TRPC1: variants seen among roughly 807,000 people sequenced by gnomAD.
The protein encoded by TRPC1 is transient receptor potential cation channel subfamily C member 1, also known as short transient receptor potential channel 1.
A neutral mutation model predicts 88.2 loss-of-function variants in TRPC1; 42 were observed. That is an observed-to-expected ratio of 0.48 (90% CI 0.37 to 0.62). The LOEUF (loss-of-function observed/expected upper bound fraction) is 0.62. TRPC1 is among the 20% of genes least tolerant of loss of function. The pLI is 0.00. For missense variants in TRPC1, 699 were observed against 957.3 expected (o/e 0.73, Z 3.56); for synonymous variants, 288 against 331.8 (o/e 0.87, Z 1.43).
intron 2 of TRPC1, among the ~76,000 whole-genome samples, chr3:142,737,985 TGATTCTG>T (rs1174956951): frequency 6.6e-6 from 1 of 152,230 alleles, no homozygotes; most frequent in African/African-American, 2.4e-5. Flanking sequence ...ATTCATACGC[TGATTCTG>T]GATAAAAGAA....
In TRPC1 at chr3:142,724,404, G is replaced by A. The variant is rs1430268926; in HGVS notation, c.-156G>A. On this transcript the variant is annotated 5_prime_UTR_variant, in exon 1 of 13. Transcript: ENST00000476941. The surrounding 1 kb of genome is among the most constrained non-coding windows in gnomAD (Gnocchi z 5.6). ...GGGCGAGTGCTGGTTCTCAGGGGAGGCGACGCCCTTCGGGGCCAACGGGCC... is the reference window on the plus strand; with the variant it reads ...GGGCGAGTGCTGGTTCTCAGGGGAGACGACGCCCTTCGGGGCCAACGGGCC... 6.5e-6 allele frequency: 4 copies of A among 618,272 alleles called. No individual in the cohort carries two copies. The highest frequency in any genetic ancestry group is 7.6e-5 in the Admixed American group (2 of 26,152). 38.3% of individuals were successfully genotyped at this position (618,272 alleles called of 1,614,324 possible).
chr3:142,763,784 G>A (rs1215187267), intron 4 of TRPC1, among the ~76,000 whole-genome samples: 2 of 150,752 alleles, frequency 1.3e-5, no homozygotes, highest in Non-Finnish European at 3.0e-5. Context: ...TTCCTTTGTA[G>A]TTAAGTGATT....
intron 6 of TRPC1, among the ~76,000 whole-genome samples, chr3:142,781,719 C>T (rs1484815928): frequency 2.0e-5 from 3 of 151,954 alleles, no homozygotes; most frequent in Non-Finnish European, 4.4e-5. Context: ...ATTAACTAAA[C>T]AGTGATATTC....
intron 4 of TRPC1, among the ~76,000 whole-genome samples, chr3:142,755,731 C>A (rs1934937682): frequency 6.6e-6 from 1 of 152,108 alleles, no homozygotes; most frequent in African/African-American, 2.4e-5. Context: ...AAACCAAAAC[C>A]CCAGAAAGTT....
At position 142,748,413 on chromosome 3, in the gene TRPC1, C is replaced by G; in HGVS notation, c.585C>G (p.Cys195Trp). ...AGCCCCATGCAGTTGGCTGTGAATG[C>G]ACATTGTGTTCTGCAAAAAACAAAA... ...LPKPHAVGCE[C>W]TLCSAKNKKD... Residue 195 changes from cysteine (C) to tryptophan (W), a missense_variant, in exon 4 of 13, where the codon TGC becomes TGG. By Grantham distance (215) the Cys-to-Trp change is radical. This residue lies in a region of TRPC1 where 426 missense variants were observed against 641.3 expected (regional missense o/e 0.66). Coordinates refer to ENST00000476941, the MANE Select transcript of TRPC1 (RefSeq NM_001251845.2). The G allele has an allele frequency of 6.2e-7, 1 of 1,614,080 alleles. No homozygotes were observed. The highest frequency in any genetic ancestry group is 8.5e-7 in the Non-Finnish European group (1 of 1,179,976).
intron 5 of TRPC1, among the ~76,000 whole-genome samples, chr3:142,778,405 AG>A (rs1444725055): frequency 6.6e-6 from 1 of 151,820 alleles, no homozygotes; most frequent in East Asian, 1.9e-4. Context: ...ATTTTCCTTT[AG>A]GGGGGTAAGT....
chr3:142,734,313 G>A (rs1934040940), intron 1 of TRPC1, among the ~76,000 whole-genome samples: 1 of 152,106 alleles, frequency 6.6e-6, no homozygotes, highest in Non-Finnish European at 1.5e-5. Flanking sequence ...GAGTTGGAAA[G>A]AAATCTGGTA....
Position 142,806,358 on chromosome 3 carries a change from TA to T in TRPC1, c.*127del, listed in dbSNP as rs1252947370. On this transcript the variant is annotated 3_prime_UTR_variant, in exon 13 of 13. Transcript: ENST00000476941. ...AAAGAATTATGTAAAAGCCATTCTT[TA>T]AAATATTTATAGCATAAATATATGT... The T allele has an allele frequency of 1.5e-5, 12 of 807,120 alleles. No homozygotes were observed. The highest frequency in any genetic ancestry group is 2.3e-5 in the Non-Finnish European group (12 of 527,288). The allele number at this position is 807,120 out of a possible 1,614,324, so 50.0% of individuals were successfully genotyped here.
chr3:142,801,257 G>A (rs1289600333), intron 9 of TRPC1: 2 of 151,626 alleles, frequency 1.3e-5, no homozygotes, highest in Non-Finnish European at 2.9e-5. Context: ...CGGTTCTTGC[G>A]GGAAAGTCCC....
At chr3:142,732,687 A>G (rs35467195) in intron 1 of TRPC1, among the ~76,000 whole-genome samples, 68,294 of 151,936 alleles carry the variant, frequency 0.45, 16,161 homozygotes, top group African/African-American at 0.6. Flanking sequence ...TTGATTGAAA[A>G]TGGTTTCTTT....
At chr3:142,787,814 A>G (rs1936177713) in intron 7 of TRPC1, among the ~76,000 whole-genome samples, 1 of 152,218 alleles carries the variant, frequency 6.6e-6, no homozygotes, top group African/African-American at 2.4e-5. Context: ...CATTTGCCCT[A>G]GTCAGGGAGG....
intron 2 of TRPC1, among the ~76,000 whole-genome samples, chr3:142,740,446 G>A (rs557198718): frequency 6.6e-6 from 1 of 152,342 alleles, no homozygotes; most frequent in South Asian, 2.1e-4. Context: ...AAGAGATACA[G>A]TAAGCTGTCA....
At chr3:142,798,088 A>G (rs899986237) in intron 9 of TRPC1, among the ~76,000 whole-genome samples, 2 of 152,030 alleles carry the variant, frequency 1.3e-5, no homozygotes, top group Non-Finnish European at 2.9e-5. Flanking sequence ...AGCATGTTCA[A>G]CCTAGATTCT....
At chr3:142,803,942 T>C in intron 10 of TRPC1, 35 bp from the exon 11 acceptor site, 1 of 1,590,568 alleles carries the variant, frequency 6.3e-7, no homozygotes, top group Non-Finnish European at 8.6e-7. Context: ...ATTTCTTTAA[T>C]TGCCTTTTAA....
chr3:142,771,160 C>G (rs1417989774), intron 4 of TRPC1, among the ~76,000 whole-genome samples: 1 of 152,224 alleles, frequency 6.6e-6, no homozygotes, highest in Non-Finnish European at 1.5e-5. Flanking sequence ...TCCAACAAGG[C>G]CCCACCTCCA....
intron 1 of TRPC1, among the ~76,000 whole-genome samples, chr3:142,727,268 G>A (rs10935467): frequency 0.17 from 25,171 of 152,132 alleles, 2,273 homozygotes; most frequent in Middle Eastern, 0.25. Flanking sequence ...GTGTTCTAGA[G>A]TGTCTCATTC....
At chr3:142,759,503 G>A (rs1247721222) in intron 4 of TRPC1, among the ~76,000 whole-genome samples, 5 of 152,226 alleles carry the variant, frequency 3.3e-5, no homozygotes, top group Admixed American at 6.5e-5. Context: ...CATATCCTTT[G>A]CCCACTTTTT....
chr3:142,736,505 T>C lies in TRPC1; in HGVS notation c.299T>C (p.Leu100Pro). ...ITIENENLDI[L>P]QLLLDYGCQS... ...ATTGAAAACGAAAACTTGGATATAC[T>C]GCAGCTTCTTTTGGACTACGGTTGT... Residue 100 changes from leucine (L) to proline (P), a missense_variant, in exon 2 of 13, where the codon CTG (leucine) becomes CCG (proline). Around this residue, in one of 4 missense-constraint regions of TRPC1, gnomAD observed 157 missense variants for 127.0 expected, o/e 1.24. Transcript: ENST00000476941. 6.2e-7 allele frequency: 1 copy of C among 1,610,518 alleles called. No homozygotes were observed. Among genetic ancestry groups the C allele is most frequent in the Non-Finnish European group, 8.5e-7 (1 of 1,178,770 alleles).
intron 3 of TRPC1, among the ~76,000 whole-genome samples, chr3:142,745,092 A>G (rs1036711272): frequency 2.6e-5 from 4 of 152,244 alleles, no homozygotes; most frequent in African/African-American, 9.6e-5. Context: ...GGATAGTACC[A>G]TCTAGTTTAA....
Sources: allele counts gnomAD v4.1 joint callset (sites outside exome capture counted in the v4.1 genomes callset), GRCh38; gene constraint gnomAD v4.1.1; regional missense constraint gnomAD v4.1.1; non-coding constraint Gnocchi (gnomAD v3.1); transcripts MANE v1.5; gene names NCBI Gene and HGNC (gene_info 2026-07-23, HGNC 2026-07-21).